P3H2: variants seen among roughly 807,000 people sequenced by gnomAD.
P3H2 encodes leprecan-like 1.
A neutral mutation model predicts 87.0 loss-of-function variants in P3H2; 80 were observed. That is an observed-to-expected ratio of 0.92 (90% CI 0.77 to 1.11). The LOEUF (loss-of-function observed/expected upper bound fraction) is 1.11. Among genes scored for constraint, P3H2 ranks in the 50% least tolerant of loss-of-function variants. The pLI, the probability that P3H2 is intolerant of heterozygous loss-of-function variation, is 0.00. For missense variants in P3H2, 1,001 were observed against 923.9 expected (o/e 1.08, Z -1.08); for synonymous variants, 367 against 359.3 (o/e 1.02, Z -0.24).
intron 1 of P3H2, among the ~76,000 whole-genome samples, chr3:190,086,951 G>A (rs1356268546): frequency 2.0e-5 from 3 of 152,222 alleles, no homozygotes. Flanking sequence ...GGGAACTTGA[G>A]AGGAAGACTT....
chr3:190,100,814 T>C (rs75842264), intron 1 of P3H2, among the ~76,000 whole-genome samples: 1,811 of 152,260 alleles, frequency 0.012, 37 homozygotes, highest in African/African-American at 0.041. Context: ...ATACCGCTTC[T>C]GATTGTGCTT....
intron 1 of P3H2, among the ~76,000 whole-genome samples, chr3:190,109,819 C>G (rs1227587952): frequency 6.7e-6 from 1 of 148,524 alleles, no homozygotes; most frequent in Non-Finnish European, 1.5e-5. Flanking sequence ...CTGTACTTAT[C>G]TAACCATCTA....
chr3:189,962,450 T>A (rs981824801), intron 14 of P3H2, among the ~76,000 whole-genome samples: 1 of 152,180 alleles, frequency 6.6e-6, no homozygotes, highest in Non-Finnish European at 1.5e-5. Flanking sequence ...GCAGGGATTA[T>A]AGGCGTGAGC....
At chr3:190,043,983 T>G (rs2108956504) in intron 1 of P3H2, among the ~76,000 whole-genome samples, 1 of 152,270 alleles carries the variant, frequency 6.6e-6, no homozygotes, top group African/African-American at 2.4e-5. Context: ...AACAGAACTG[T>G]ATTGCTTTCC....
rs932584521 is a variant in P3H2, at chr3:189,969,805, G to A, written c.1893+1011C>T. 5 of 1,606,708 alleles carry A rather than the reference G, an allele frequency of 3.1e-6. No homozygotes were observed. In the African/African-American group the frequency reaches 4.0e-5, roughly 13 times the overall value. ...CTTCTAAAATTTCTGGATCATCCAG[G>A]CCTGTTCCACCAATTATTCCAATCT... On this transcript the variant is annotated intron_variant, in intron 13 of 14. Transcript: ENST00000319332.
chr3:190,012,073 CTAAA>C (rs549690214), intron 1 of P3H2, among the ~76,000 whole-genome samples: 107 of 152,148 alleles, frequency 7.0e-4, no homozygotes, highest in Admixed American at 1.6e-3. Context: ...TCATGATTTC[CTAAA>C]TAAATATTTC....
rs1263442606 is a variant in P3H2 at position 190,021,899 on chromosome 3, G to T, written c.481-26457C>A. ...ACTATGTACAATATTATATGATAGT[G>T]TGTTTCTCTAATGTAACTGACATTA... On this transcript the variant is annotated intron_variant, in intron 1 of 14. Transcript: ENST00000319332. Among the ~76,000 whole-genome samples the T allele has an allele frequency of 1.5e-5, 2 of 135,094 alleles. 1 individual carries two copies. The highest frequency in any genetic ancestry group is 3.3e-5 in the Non-Finnish European group (2 of 60,460). 88.6% of individuals were successfully genotyped at this position (135,094 alleles called of 152,430 possible).
chr3:190,013,832 AATC>A (rs1346997171), intron 1 of P3H2, among the ~76,000 whole-genome samples: 1 of 152,236 alleles, frequency 6.6e-6, no homozygotes, highest in Non-Finnish European at 1.5e-5. Flanking sequence ...GATGTAATTA[AATC>A]ATCACTTCAT....
intron 1 of P3H2, among the ~76,000 whole-genome samples, chr3:190,036,596 G>C (rs533300440): frequency 1.1e-4 from 16 of 152,288 alleles, no homozygotes; most frequent in African/African-American, 3.1e-4. Flanking sequence ...AAGATTGCAT[G>C]ATGGCAAGAC....
At chr3:190,001,581 A>G (rs1724218517) in intron 1 of P3H2, among the ~76,000 whole-genome samples, 1 of 152,220 alleles carries the variant, frequency 6.6e-6, no homozygotes, top group Admixed American at 6.5e-5. Flanking sequence ...CAAGCATGTA[A>G]GCTGACACTG....
At chr3:190,069,661 T>C (rs1726630074) in intron 1 of P3H2, among the ~76,000 whole-genome samples, 1 of 151,940 alleles carries the variant, frequency 6.6e-6, no homozygotes, top group African/African-American at 2.4e-5. Flanking sequence ...AACAAACAAA[T>C]AGAGAGAAAA....
chr3:190,098,438 G>T (rs1272950291), intron 1 of P3H2, among the ~76,000 whole-genome samples: 2 of 152,130 alleles, frequency 1.3e-5, no homozygotes, highest in African/African-American at 2.4e-5. Context: ...TTCCGTAGTT[G>T]CTATAAATGA....
intron 1 of P3H2, among the ~76,000 whole-genome samples, chr3:190,041,020 C>CTATATATATATATATA (rs71635315): frequency 9.3e-4 from 49 of 52,608 alleles, no homozygotes; most frequent in Admixed American, 2.2e-3. Context: ...CATGGCTCTA[C>CTATATATATATATATA]TATATATATA....
At chr3:190,076,040 T>C (rs912156745) in intron 1 of P3H2, among the ~76,000 whole-genome samples, 2 of 152,086 alleles carry the variant, frequency 1.3e-5, no homozygotes, top group Non-Finnish European at 2.9e-5. Context: ...TAGACCTGAA[T>C]TGGGCAGATT....
intron 1 of P3H2, among the ~76,000 whole-genome samples, chr3:190,025,494 A>G (rs529575287): frequency 0.022 from 3,422 of 152,154 alleles, 119 homozygotes; most frequent in African/African-American, 0.077. Context: ...TCTGTGCCTC[A>G]TTTTCCCCAA....
At chr3:190,002,839 C>A (rs1191233679) in intron 1 of P3H2, among the ~76,000 whole-genome samples, 1 of 152,196 alleles carries the variant, frequency 6.6e-6, no homozygotes, top group Non-Finnish European at 1.5e-5. Context: ...AAAGGTACAA[C>A]CTATTTAAAA....
At chr3:190,022,009 T>G (rs1441003474) in intron 1 of P3H2, among the ~76,000 whole-genome samples, 1 of 135,158 alleles carries the variant, frequency 7.4e-6, no homozygotes, top group East Asian at 2.5e-4. Context: ...ATGTGCCAAT[T>G]ACTATTTTAG....
intron 1 of P3H2, among the ~76,000 whole-genome samples, chr3:190,061,388 G>C (rs1726327488): frequency 6.6e-6 from 1 of 151,966 alleles, no homozygotes; most frequent in Admixed American, 6.6e-5. Flanking sequence ...AGTGCAATAT[G>C]GTTCTGTTTT....
chr3:190,087,685 A>G (rs1727274560), intron 1 of P3H2, among the ~76,000 whole-genome samples: 1 of 152,210 alleles, frequency 6.6e-6, no homozygotes, highest in Non-Finnish European at 1.5e-5. Context: ...GATCTATAAA[A>G]TTCCATAATG....
Sources: allele counts gnomAD v4.1 joint callset (sites outside exome capture counted in the v4.1 genomes callset), GRCh38; gene constraint gnomAD v4.1.1; transcripts MANE v1.5; gene names NCBI Gene and HGNC (gene_info 2026-07-23, HGNC 2026-07-21).